Variants in LARP4B observed in about 807,000 individuals in gnomAD.
LARP4B encodes la-related protein 4B.
Under a neutral mutation model 89.8 loss-of-function variants are expected in LARP4B, and 12 were observed. The ratio of observed to expected loss-of-function variants is 0.13; its 90% CI spans 0.09 to 0.22. The LOEUF is 0.22. Ranked by LOEUF, LARP4B falls within the 10% of genes least tolerant of loss-of-function variation. LARP4B has a pLI of 1.00. For missense variants in LARP4B, 757 were observed against 947.7 expected, an observed-to-expected ratio of 0.80 and a Z score of 2.64; for synonymous variants, 367 against 363.3, an observed-to-expected ratio of 1.01 and a Z score of -0.12.
At chr10:973,603 G>A in the LARP4B span, among the ~76,000 whole-genome samples, 1 of 151,946 alleles carries the variant, frequency 6.6e-6, no homozygotes, top group African/African-American at 2.4e-5. Context: ...TCCCTGCCTC[G>A]GCCTCCCAAA....
chr10:848,249 C>T (rs1369942211), intron 5 of LARP4B, among the ~76,000 whole-genome samples: 2 of 152,168 alleles, frequency 1.3e-5, no homozygotes, highest in East Asian at 1.9e-4. Flanking sequence ...CCCACTCACA[C>T]CTAACATCTT....
chr10:825,287 G>T lies in LARP4B; in HGVS notation c.1262C>A (p.Ala421Glu). Residue 421 changes from alanine to glutamate, a missense_variant, in exon 13 of 18, where the codon GCG (alanine) becomes GAG (glutamate). Ala to Glu is a moderately radical substitution (Grantham distance 107). Transcript: ENST00000316157. The part of the protein sequence containing the change: ...RNPSKSHLRH[A>E]IPSAERGPGL... ...AGGTCCCCTCTCTGCACTAGGAATC[G>T]CATGCCGCAGATGAGATTTACTAGG... 3 of 1,614,092 alleles carry T rather than the reference G, an allele frequency of 1.9e-6. No homozygotes were observed. The highest frequency in any genetic ancestry group is 2.5e-6 in the Non-Finnish European group (3 of 1,179,974).
chr10:845,761 A>G (rs1231527162), intron 5 of LARP4B, among the ~76,000 whole-genome samples: 2 of 152,240 alleles, frequency 1.3e-5, no homozygotes, highest in Non-Finnish European at 2.9e-5. Flanking sequence ...CGGACACTGC[A>G]TAAAGAGGTA....
chr10:877,953 T>C (rs1420231780), intron 3 of LARP4B, among the ~76,000 whole-genome samples: 3 of 152,026 alleles, frequency 2.0e-5, no homozygotes, highest in African/African-American at 7.2e-5. Flanking sequence ...AAGCCAGAAG[T>C]GAGGAGACGG....
intron 3 of LARP4B, among the ~76,000 whole-genome samples, chr10:882,103 G>T (rs1222389393): frequency 3.9e-5 from 6 of 152,114 alleles, no homozygotes; most frequent in Non-Finnish European, 8.8e-5. Flanking sequence ...AAGTGGGCCT[G>T]GGGGTGGGCT....
At chr10:982,972 A>T in the LARP4B span, among the ~76,000 whole-genome samples, 4 of 152,250 alleles carry the variant, frequency 2.6e-5, no homozygotes, top group Non-Finnish European at 5.9e-5. Context: ...GAGTTTTTAA[A>T]TGAATGAACA....
chr10:921,250 G>C (rs1309783890), intron 1 of LARP4B, among the ~76,000 whole-genome samples: 1 of 151,572 alleles, frequency 6.6e-6, no homozygotes, highest in Non-Finnish European at 1.5e-5. Context: ...TCCAGCCTGG[G>C]CAACAAGAGT....
chr10:935,356 A>C (rs1178578384), upstream of LARP4B, among the ~76,000 whole-genome samples: 1 of 152,198 alleles, frequency 6.6e-6, no homozygotes, highest in Non-Finnish European at 1.5e-5. Flanking sequence ...AATGGATGTG[A>C]GTCCCCTGGC....
chr10:936,880 G>T, the LARP4B span, among the ~76,000 whole-genome samples: 27 of 152,268 alleles, frequency 1.8e-4, no homozygotes, highest in African/African-American at 6.0e-4. Context: ...ATGAAGAATG[G>T]TGGTAATACA....
chr10:917,722 T>G (rs1836863033), intron 1 of LARP4B, among the ~76,000 whole-genome samples: 1 of 152,268 alleles, frequency 6.6e-6, no homozygotes, highest in African/African-American at 2.4e-5. Context: ...AGTCCTTGGC[T>G]TGGCTTCCTA....
intron 15 of LARP4B, chr10:815,295 C>T (rs1436878524): frequency 5.2e-6 from 2 of 383,618 alleles, no homozygotes; most frequent in Non-Finnish European, 9.2e-6. Flanking sequence ...TCTTACATCA[C>T]AGGCCCTTAT....
At chr10:884,124 T>C (rs1482746154) in intron 3 of LARP4B, among the ~76,000 whole-genome samples, 2 of 152,218 alleles carry the variant, frequency 1.3e-5, no homozygotes, top group African/African-American at 4.8e-5. Flanking sequence ...GCTACCAAAA[T>C]GTAAAGCTAC....
chr10:903,990 G>A (rs552680941), intron 1 of LARP4B, among the ~76,000 whole-genome samples: 2 of 151,996 alleles, frequency 1.3e-5, no homozygotes, highest in African/African-American at 4.8e-5. Context: ...ACCTTGACAC[G>A]CAACACTGAC....
At chr10:821,345 C>T (rs1832341015) in intron 13 of LARP4B, among the ~76,000 whole-genome samples, 1 of 152,238 alleles carries the variant, frequency 6.6e-6, no homozygotes, top group African/African-American at 2.4e-5. Flanking sequence ...GACCCCTTCC[C>T]ACGAAAACCA....
At chr10:927,389 C>T (rs925074049) in intron 1 of LARP4B, among the ~76,000 whole-genome samples, 2 of 152,120 alleles carry the variant, frequency 1.3e-5, no homozygotes, top group East Asian at 3.9e-4. Context: ...AGCATTAGAA[C>T]GTTAGGGGAA....
At chr10:950,777 G>A in the LARP4B span, among the ~76,000 whole-genome samples, 2 of 151,574 alleles carry the variant, frequency 1.3e-5, no homozygotes, top group East Asian at 3.8e-4. Context: ...TATTCATTTT[G>A]GTATCTTTGT....
intron 1 of LARP4B, among the ~76,000 whole-genome samples, chr10:888,584 T>C (rs894947125): frequency 6.6e-6 from 1 of 152,124 alleles, no homozygotes; most frequent in African/African-American, 2.4e-5. Flanking sequence ...CACAAAAATA[T>C]CACCAAACTT....
rs1831959473 is a variant in LARP4B at position 815,031 on chromosome 10, C to T, written c.1735G>A (p.Val579Met). Residue 579 changes from valine to methionine, a missense_variant, in exon 16 of 18, where the codon GTG (valine) becomes ATG (methionine). Physicochemically the swap from Val to Met is conservative, Grantham distance 21 (BLOSUM62 1). Coordinates refer to ENST00000316157, the MANE Select transcript of LARP4B (RefSeq NM_015155.3). ...GGCACCGAGGGCTCTCTGGAGACCA[C>T]TACAGGAAGGGTGTTCACGCTTGCG... ...ADASVNTLPV[V>M]VSREPSVPAS... 1 of 1,605,980 alleles carries T rather than the reference C, an allele frequency of 6.2e-7. No homozygotes were observed. The highest frequency in any genetic ancestry group is 1.1e-5 in the South Asian group (1 of 90,258).
intron 5 of LARP4B, 129 bp downstream of exon 5, chr10:863,614 G>T: frequency 1.0e-6 from 1 of 1,002,534 alleles, no homozygotes; most frequent in Non-Finnish European, 1.4e-6. Flanking sequence ...ACATAAGGGT[G>T]AGTTTAAAGT....
Sources: allele counts gnomAD v4.1 joint callset (sites outside exome capture counted in the v4.1 genomes callset), GRCh38; gene constraint gnomAD v4.1.1; transcripts MANE v1.5; gene names NCBI Gene and HGNC (gene_info 2026-07-23, HGNC 2026-07-21).